The following HSD17B12 variants were observed in gnomAD, a reference collection of about 807,000 sequenced individuals.
The protein encoded by HSD17B12 is very-long-chain 3-oxoacyl-CoA reductase.
A neutral mutation model predicts 39.3 loss-of-function variants in HSD17B12; 32 were observed. The observed-to-expected ratio is 0.81, with a 90% CI of 0.61 to 1.09. HSD17B12 has a LOEUF of 1.09. HSD17B12 is among the 50% of genes least tolerant of loss of function. HSD17B12 has a pLI of 0.00. For missense variants in HSD17B12, 342 were observed against 382.9 expected (o/e 0.89, Z 0.89); for synonymous variants, 150 against 146.7 (o/e 1.02, Z -0.16).
At chr11:43,710,677 A>G (rs1032729606) in intron 1 of HSD17B12, among the ~76,000 whole-genome samples, 4 of 152,194 alleles carry the variant, frequency 2.6e-5, no homozygotes, top group African/African-American at 7.2e-5. Flanking sequence ...AAAGATTTAT[A>G]TTGAAGATGA....
chr11:43,634,839 A>G, the HSD17B12 span, among the ~76,000 whole-genome samples: 2 of 152,216 alleles, frequency 1.3e-5, no homozygotes, highest in East Asian at 3.8e-4. Context: ...TCTATTTAAG[A>G]ACGCGTGTGT....
chr11:43,637,072 A>C, the HSD17B12 span, among the ~76,000 whole-genome samples: 1 of 152,228 alleles, frequency 6.6e-6, no homozygotes, highest in South Asian at 2.1e-4. Context: ...GGATGATAAT[A>C]GGATCTGCAT....
chr11:43,855,899 A>ATTTTATTTTTTTTTTTTTTG lies in HSD17B12; in HGVS notation c.*651_*652insTTTTATTTTTTTTTTTTTTG. 1 of 68,842 alleles carries ATTTTATTTTTTTTTTTTTTG rather than the reference A, an allele frequency of 1.5e-5. No homozygotes were observed. 4.3% of individuals were successfully genotyped at this position (68,842 alleles called of 1,614,324 possible). ...ATAATGCATATTTCTTCTCAGTTTA[A>ATTTTATTTTTTTTTTTTTTG]ATGTATGTAAATATCGAAGCTATAT... On this transcript the variant is annotated 3_prime_UTR_variant, in exon 11 of 11. Coordinates refer to ENST00000278353, the MANE Select transcript of HSD17B12 (RefSeq NM_016142.3).
At chr11:43,787,323 T>C (rs1410762492) in intron 3 of HSD17B12, among the ~76,000 whole-genome samples, 4 of 152,216 alleles carry the variant, frequency 2.6e-5, no homozygotes, top group Non-Finnish European at 5.9e-5. Flanking sequence ...TGTATTAATA[T>C]GTAAAAACTA....
At chr11:43,828,141 C>CTT (rs551697407) in intron 6 of HSD17B12, among the ~76,000 whole-genome samples, 29 of 131,260 alleles carry the variant, frequency 2.2e-4, no homozygotes, top group East Asian at 4.5e-4. Flanking sequence ...TTGTCTACTT[C>CTT]TTTTTTTTTT....
At chr11:43,720,718 T>C (rs1474862052) in intron 1 of HSD17B12, among the ~76,000 whole-genome samples, 2 of 152,256 alleles carry the variant, frequency 1.3e-5, no homozygotes, top group African/African-American at 4.8e-5. Context: ...TAGTCATCTA[T>C]AGAATAATCT....
intron 3 of HSD17B12, among the ~76,000 whole-genome samples, chr11:43,781,579 T>A (rs1008566281): frequency 2.0e-5 from 3 of 152,292 alleles, no homozygotes; most frequent in African/African-American, 7.2e-5. Context: ...CCAAAAATGC[T>A]TATTATTTGA....
At position 43,831,101 on chromosome 11, in the gene HSD17B12, G is replaced by A; in HGVS notation, c.536+91G>A. The A allele has an allele frequency of 8.2e-7, 1 of 1,222,276 alleles. No individual in the cohort carries two copies. Among genetic ancestry groups the A allele is most frequent in the Non-Finnish European group, 1.2e-6 (1 of 854,122 alleles). The allele number at this position is 1,222,276 out of a possible 1,614,324, so 75.7% of individuals were successfully genotyped here. A position where few individuals can be genotyped will look rare whatever the true frequency, so the allele number is the denominator to read the frequency against. ...CTTGCTTTGAAAAAATCACTGAAGT[G>A]ACTAATGAACCAAGCCTCCATGTCT... On this transcript the variant is annotated intron_variant, in intron 7 of 10. Transcript: ENST00000278353. The surrounding 1 kb of genome is among the most constrained non-coding windows in gnomAD (Gnocchi z 4.1).
chr11:43,758,999 G>A (rs529511302), intron 3 of HSD17B12, among the ~76,000 whole-genome samples: 84 of 152,276 alleles, frequency 5.5e-4, no homozygotes, highest in African/African-American at 1.9e-3. Context: ...CGTGGATCAG[G>A]CAGCGCCCAG....
chr11:43,687,262 G>A (rs1949809939), intron 1 of HSD17B12, among the ~76,000 whole-genome samples: 2 of 152,176 alleles, frequency 1.3e-5, no homozygotes, highest in South Asian at 4.1e-4. Context: ...GGGAGGCAGG[G>A]TGAGCAAAGC....
intron 9 of HSD17B12, among the ~76,000 whole-genome samples, chr11:43,851,340 G>A (rs1951528688): frequency 6.6e-6 from 1 of 152,124 alleles, no homozygotes; most frequent in Non-Finnish European, 1.5e-5. Flanking sequence ...GTATCTTCTT[G>A]ACCTGTTTCC....
intron 1 of HSD17B12, among the ~76,000 whole-genome samples, chr11:43,694,858 C>A (rs1949895690): frequency 6.6e-6 from 1 of 151,948 alleles, no homozygotes; most frequent in Non-Finnish European, 1.5e-5. Flanking sequence ...GTATTTTTAA[C>A]AAATAAGATG....
At chr11:43,579,876 T>TGCGC in the HSD17B12 span, among the ~76,000 whole-genome samples, 3 of 151,562 alleles carry the variant, frequency 2.0e-5, no homozygotes, top group African/African-American at 4.8e-5. Flanking sequence ...GGAGTGTGTG[T>TGCGC]GCGCGCGCGC....
At chr11:43,733,278 G>A (rs746231270) in intron 1 of HSD17B12, among the ~76,000 whole-genome samples, 3 of 152,178 alleles carry the variant, frequency 2.0e-5, no homozygotes, top group African/African-American at 7.2e-5. Flanking sequence ...ATGATGTGAT[G>A]AGTGACAAGT....
intron 1 of HSD17B12, among the ~76,000 whole-genome samples, chr11:43,696,006 C>G (rs1261540179): frequency 3.3e-5 from 5 of 152,152 alleles, no homozygotes; most frequent in Non-Finnish European, 7.3e-5. Context: ...ACCTTCCACC[C>G]TCCGAAAGGC....
chr11:43,775,185 C>CA (rs1281399081), intron 3 of HSD17B12, among the ~76,000 whole-genome samples: 1 of 152,168 alleles, frequency 6.6e-6, no homozygotes, highest in Non-Finnish European at 1.5e-5. Flanking sequence ...TGTGAACAAC[C>CA]AGTGAACTTG....
intron 2 of HSD17B12, among the ~76,000 whole-genome samples, chr11:43,752,188 A>G (rs1950470735): frequency 6.6e-6 from 1 of 152,138 alleles, no homozygotes. Flanking sequence ...CAGGAAAAGC[A>G]TTTTTTCATC....
At chr11:43,631,631 G>A in the HSD17B12 span, among the ~76,000 whole-genome samples, 1 of 121,826 alleles carries the variant, frequency 8.2e-6, no homozygotes, top group African/African-American at 2.8e-5. Context: ...CTGTCTGTCT[G>A]TCGCTCTCTG....
intron 1 of HSD17B12, among the ~76,000 whole-genome samples, chr11:43,726,076 C>T (rs529408303): frequency 2.2e-4 from 34 of 152,212 alleles, no homozygotes; most frequent in Non-Finnish European, 2.6e-4. Flanking sequence ...ACAAATCAAA[C>T]GTTCTACTTA....
Sources: gnomAD v4.1 joint callset for allele counts (sites outside exome capture counted in the v4.1 genomes callset) on GRCh38, gnomAD v4.1.1 for gene constraint, Gnocchi (gnomAD v3.1) non-coding constraint, MANE v1.5 for transcripts, NCBI Gene and HGNC (gene_info 2026-07-23, HGNC 2026-07-21) for gene names.